NDC80: variants seen among roughly 807,000 people sequenced by gnomAD.
NDC80 encodes the protein kinetochore protein NDC80 homolog.
In NDC80, 69 loss-of-function variants were observed where a neutral mutation model predicts 89.3. The observed-to-expected ratio is 0.77, with a 90% CI of 0.64 to 0.94. The LOEUF is 0.94. Ranked by LOEUF, NDC80 falls within the 40% of genes least tolerant of loss-of-function variation. The pLI, the probability that NDC80 is intolerant of heterozygous loss-of-function variation, is 0.00. For synonymous variants in NDC80, 243 were observed against 255.6 expected, an observed-to-expected ratio of 0.95 and a Z score of 0.47; for missense variants, 593 against 739.6, an observed-to-expected ratio of 0.80 and a Z score of 2.30.
chr18:2,609,339 G>A (rs1246252683), intron 15 of NDC80, among the ~76,000 whole-genome samples: 10 of 151,938 alleles, frequency 6.6e-5, no homozygotes, highest in South Asian at 2.1e-4. Context: ...CAGGACCTAC[G>A]GGAAAACTGA....
At chr18:2,572,688 G>T (rs2677892) in intron 1 of NDC80, among the ~76,000 whole-genome samples, 1 of 152,030 alleles carries the variant, frequency 6.6e-6, no homozygotes, top group Admixed American at 6.5e-5. Context: ...GGCAAAAACC[G>T]TAACTTACTC....
rs542499488 is a variant in NDC80 at position 2,589,183 on chromosome 18, G to T, written c.764-21G>T. 6 of 1,533,222 alleles carry T rather than the reference G, an allele frequency of 3.9e-6. No individual in the cohort carries two copies. In the East Asian group the frequency reaches 1.1e-4, roughly 29 times the overall value. The allele number at this position is 1,533,222 out of a possible 1,614,324, so 95.0% of individuals were successfully genotyped here. A position where few individuals can be genotyped will look rare whatever the true frequency, so the allele number is the denominator to read the frequency against. On this transcript the variant is annotated intron_variant, in intron 8 of 16. Coordinates refer to ENST00000261597, the MANE Select transcript of NDC80 (RefSeq NM_006101.3). The stretch of plus-strand genomic sequence containing the variant: ...CTAGGCGGATTTGAGGTCTTAAAAA[G>T]CTTTTGGATTTTGTCTCCAGAGGAT...
At chr18:2,591,063 T>A (rs897688024) in intron 10 of NDC80, among the ~76,000 whole-genome samples, 2 of 152,130 alleles carry the variant, frequency 1.3e-5, no homozygotes, top group Non-Finnish European at 2.9e-5. Flanking sequence ...ATTCTTGATG[T>A]CTGCCTGCCT....
At position 2,616,447 on chromosome 18, in the gene NDC80, A is replaced by G. The variant is rs776020031; in HGVS notation, c.1802A>G (p.Glu601Gly). Reference sequence around the variant, plus strand: ...AATTCTCTTCACTAGAAACATCTTGAGGAGCAGATTGCTAAAGTTGATAGA... The same window carrying G: ...AATTCTCTTCACTAGAAACATCTTGGGGAGCAGATTGCTAAAGTTGATAGA... ...THVGSVEKHL[E>G]EQIAKVDREY... Residue 601 changes from glutamate to glycine, a missense_variant, in exon 17 of 17, where the codon GAG becomes GGG. By Grantham distance (98) the Glu-to-Gly change is moderately conservative (BLOSUM62 -2). Transcript: ENST00000261597. 1.0e-5 allele frequency: 15 copies of G among 1,494,676 alleles called. No individual in the cohort carries two copies. Among genetic ancestry groups the G allele is most frequent in the Non-Finnish European group, 9.0e-7 (1 of 1,115,214 alleles). The allele number at this position is 1,494,676 out of a possible 1,614,324, so 92.6% of individuals were successfully genotyped here.
chr18:2,578,085 C>T lies in NDC80; in HGVS notation c.420C>T (p.Tyr140=), dbSNP rs751095916. Residue 140 remains tyrosine (Y), a synonymous_variant, in exon 5 of 17, where the codon TAC becomes TAT. Coordinates refer to ENST00000261597, the MANE Select transcript of NDC80 (RefSeq NM_006101.3). ...TTTATGGCTTCCTGTGCCCCTCATACGAACTTCCTGACACAAAGTTTGAAG... is the reference window on the plus strand; with the variant it reads ...TTTATGGCTTCCTGTGCCCCTCATATGAACTTCCTGACACAAAGTTTGAAG... ...TFLYGFLCPS[Y]ELPDTKFEEE... 3.7e-6 allele frequency: 6 copies of T among 1,613,912 alleles called. No homozygotes were observed. The East Asian group carries it at 6.7e-5, about 18-fold the overall frequency.
chr18:2,602,295 T>C (rs1329758908), intron 13 of NDC80, among the ~76,000 whole-genome samples: 1 of 152,170 alleles, frequency 6.6e-6, no homozygotes. Flanking sequence ...CAGAAAGACA[T>C]TTTTCCAATA....
At chr18:2,609,357 G>A (rs542803304) in intron 15 of NDC80, among the ~76,000 whole-genome samples, 1 of 152,036 alleles carries the variant, frequency 6.6e-6, no homozygotes, top group African/African-American at 2.4e-5. Flanking sequence ...TGATATTGAG[G>A]CACAGCACTA....
intron 6 of NDC80, among the ~76,000 whole-genome samples, chr18:2,580,952 G>A (rs2072574881): frequency 6.6e-6 from 1 of 151,562 alleles, no homozygotes; most frequent in Admixed American, 6.6e-5. Context: ...ATCTTGGCCA[G>A]GCTGGTCTCA....
intron 13 of NDC80, among the ~76,000 whole-genome samples, chr18:2,605,930 A>G (rs575140602): frequency 6.6e-6 from 1 of 152,266 alleles, no homozygotes; most frequent in Non-Finnish European, 1.5e-5. Flanking sequence ...ACAAGATTAA[A>G]TGTGGTTACC....
chr18:2,592,516 C>T (rs2072632788), intron 10 of NDC80, among the ~76,000 whole-genome samples: 1 of 151,574 alleles, frequency 6.6e-6, no homozygotes, highest in South Asian at 2.1e-4. Context: ...CCATCATGCC[C>T]AGCTAATTTT....
chr18:2,588,667 G>A (rs1156568333), intron 8 of NDC80, among the ~76,000 whole-genome samples: 1 of 152,134 alleles, frequency 6.6e-6, no homozygotes, highest in African/African-American at 2.4e-5. Context: ...GTATCTTCCT[G>A]AAGAGTAACC....
chr18:2,606,984 C>T (rs1315355875), intron 14 of NDC80, among the ~76,000 whole-genome samples: 2 of 152,094 alleles, frequency 1.3e-5, no homozygotes, highest in South Asian at 2.1e-4. Flanking sequence ...GATTCTTCAA[C>T]ATTCTACTGT....
intron 7 of NDC80, among the ~76,000 whole-genome samples, chr18:2,587,267 T>C (rs764638762): frequency 2.3e-4 from 35 of 152,188 alleles, no homozygotes; most frequent in Non-Finnish European, 4.3e-4. Context: ...GAATGCAAAA[T>C]ATAGTGTTAT....
rs775746837 is a variant in NDC80 at position 2,585,160 on chromosome 18, G to A, written c.627G>A (p.Gln209=). The A allele has an allele frequency of 6.2e-7, 1 of 1,613,496 alleles. No individual in the cohort carries two copies. Among genetic ancestry groups the A allele is most frequent in the South Asian group, 1.1e-5 (1 of 91,068 alleles). ...KESSPLFDDG[Q]PWGEETEDGI... Reference sequence around the variant, plus strand: ...GCTCACCTTTATTTGATGATGGGCAGCCTTGGGGAGAAGAAACTGAAGATG... The same window carrying A: ...GCTCACCTTTATTTGATGATGGGCAACCTTGGGGAGAAGAAACTGAAGATG... Residue 209 remains glutamine, a synonymous_variant, in exon 7 of 17, where the codon CAG becomes CAA. Transcript: ENST00000261597.
intron 13 of NDC80, among the ~76,000 whole-genome samples, chr18:2,601,888 G>T (rs946618586): frequency 3.9e-5 from 6 of 152,046 alleles, no homozygotes; most frequent in African/African-American, 2.4e-5. Context: ...TTGGATTCTG[G>T]ATCATGGAAT....
chr18:2,600,514 C>G (rs1215141237), intron 12 of NDC80, among the ~76,000 whole-genome samples: 2 of 151,694 alleles, frequency 1.3e-5, no homozygotes, highest in African/African-American at 4.8e-5. Context: ...GAGGCTGAGG[C>G]AGAGGAATCG....
intron 13 of NDC80, among the ~76,000 whole-genome samples, chr18:2,603,356 C>CATATATATAT (rs60997707): frequency 0.014 from 1,633 of 120,726 alleles, 68 homozygotes; most frequent in East Asian, 0.087. Context: ...TATGTTTATA[C>CATATATATAT]ATATATATAT....
chr18:2,599,416 TC>T (rs1427039631), intron 12 of NDC80, among the ~76,000 whole-genome samples: 5 of 151,988 alleles, frequency 3.3e-5, no homozygotes. Flanking sequence ...TTGCTAATGA[TC>T]CCCCCAGAGG....
intron 7 of NDC80, 32 bp from the exon 8 acceptor site, chr18:2,587,798 A>G: frequency 6.5e-7 from 1 of 1,541,380 alleles, no homozygotes; most frequent in Non-Finnish European, 9.0e-7. Context: ...GAGAATCATA[A>G]CTTTGTTTCT....
Sources: gnomAD v4.1 joint callset for allele counts (sites outside exome capture counted in the v4.1 genomes callset) on GRCh38, gnomAD v4.1.1 for gene constraint, MANE v1.5 for transcripts, NCBI Gene and HGNC (gene_info 2026-07-23, HGNC 2026-07-21) for gene names.